The following DTX3L variants were observed in gnomAD, a reference collection of about 807,000 sequenced individuals.
The protein encoded by DTX3L is E3 ubiquitin-protein ligase DTX3L.
Under a neutral mutation model 60.9 loss-of-function variants are expected in DTX3L, and 34 were observed. That is an observed-to-expected ratio of 0.56 (90% CI 0.42 to 0.74). The LOEUF is 0.74. Ranked by LOEUF, DTX3L falls within the 30% of genes least tolerant of loss-of-function variation. DTX3L has a pLI of 0.00. For synonymous variants in DTX3L, 290 were observed against 316.6 expected (o/e 0.92, Z 0.89); for missense variants, 810 against 874.0 (o/e 0.93, Z 0.92).
In DTX3L at chr3:122,565,917, G is replaced by A; in HGVS notation, c.246G>A (p.Val82=). ...AAATACTTGTTGACGAAAAACCTGT[G>A]CCCATTTTCCTGGTACCCACTGAAA... ...EHQILVDEKP[V]PIFLVPTENS... is the part of the protein sequence containing the mutation. The change falls in exon 2 of 5, where the codon GTG becomes GTA. Residue 82 remains valine, a synonymous_variant. Coordinates refer to ENST00000296161, the MANE Select transcript of DTX3L (RefSeq NM_138287.3). 2.5e-6 allele frequency: 4 copies of A among 1,614,154 alleles called. No homozygotes were observed. The highest frequency in any genetic ancestry group is 1.7e-5 in the Admixed American group (1 of 60,022).
Position 122,570,540 on chromosome 3 carries a change from T to C in DTX3L, c.2021T>C (p.Leu674Ser). The change falls in exon 4 of 5, where the codon TTG (leucine) becomes TCG (serine). Residue 674 changes from leucine to serine, a missense_variant. By Grantham distance (145) the Leu-to-Ser change is moderately radical. Transcript: ENST00000296161. ...GATAATAAGGAAGGAAGGAAGGTTTTGAAACTGCTTTATAGGGCCTTTGAC... is the reference window on the plus strand; with the variant it reads ...GATAATAAGGAAGGAAGGAAGGTTTCGAAACTGCTTTATAGGGCCTTTGAC... The part of the protein sequence containing the change: ...LPDNKEGRKV[L>S]KLLYRAFDQK... 1 of 1,614,206 alleles carries C rather than the reference T, an allele frequency of 6.2e-7. No homozygotes were observed. The highest frequency in any genetic ancestry group is 8.5e-7 in the Non-Finnish European group (1 of 1,180,036).
At chr3:122,568,270 T>C (rs767617916) in intron 2 of DTX3L, among the ~76,000 whole-genome samples, 8 of 151,804 alleles carry the variant, frequency 5.3e-5, no homozygotes, top group Non-Finnish European at 8.8e-5. Flanking sequence ...GATCGCGCCA[T>C]TGCACTCCAG....
intron 2 of DTX3L, among the ~76,000 whole-genome samples, chr3:122,567,337 T>C (rs1438622922): frequency 9.2e-5 from 14 of 151,858 alleles, no homozygotes; most frequent in Admixed American, 8.5e-4. Flanking sequence ...GAATGGAGAG[T>C]TAGAGCCTGG....
At position 122,569,429 on chromosome 3, in the gene DTX3L, A is replaced by G. The variant is rs1176279264; in HGVS notation, c.1340A>G (p.Gln447Arg). 6.2e-7 allele frequency: 1 copy of G among 1,614,080 alleles called. No homozygotes were observed. The highest frequency in any genetic ancestry group is 8.5e-7 in the Non-Finnish European group (1 of 1,180,038). ...GATGCCTTTCAACATGCCTCATGTC[A>G]GTTGATGAGAGAAGTTCTTTTACTG... is the stretch of plus-strand genomic sequence containing the variant. ...FIDAFQHASC[Q>R]LMREVLLLKS... The change falls in exon 3 of 5, where the codon CAG becomes CGG. Residue 447 changes from glutamine to arginine, a missense_variant. Transcript: ENST00000296161.
In DTX3L at chr3:122,564,416, C is replaced by G. The variant is rs372600946; in HGVS notation, c.-11C>G. The G allele has an allele frequency of 1.9e-6, 3 of 1,602,818 alleles. No individual in the cohort carries two copies. The highest frequency in any genetic ancestry group is 1.3e-5 in the African/African-American group (1 of 74,234). On this transcript the variant is annotated 5_prime_UTR_variant, in exon 1 of 5. Transcript: ENST00000296161. ...TCCCGGAGCCCCCGCGCCCTCCCGA[C>G]GCGCAGAGCCATGGCCTCCCACCTG...
Position 122,569,705 on chromosome 3 carries a change from C to T in DTX3L, c.1616C>T (p.Ser539Phe). 1 of 1,614,180 alleles carries T rather than the reference C, an allele frequency of 6.2e-7. No individual in the cohort carries two copies. Among genetic ancestry groups the T allele is most frequent in the Middle Eastern group, 1.6e-4 (1 of 6,062 alleles). ...DIDSDDSKAA[S>F]PPLKGSVSSE... Reference sequence around the variant, plus strand: ...GATAGCGATGATTCCAAAGCAGCTTCTCCGCCACTCAAGGGCTCTGTGAGT... The same window carrying T: ...GATAGCGATGATTCCAAAGCAGCTTTTCCGCCACTCAAGGGCTCTGTGAGT... Residue 539 changes from serine (S) to phenylalanine (F), a missense_variant, in exon 3 of 5, where the codon TCT (serine) becomes TTT (phenylalanine). Transcript: ENST00000296161.
At position 122,568,658 on chromosome 3, in the gene DTX3L, A is replaced by G; in HGVS notation, c.569A>G (p.Glu190Gly). The G allele has an allele frequency of 6.2e-7, 1 of 1,614,222 alleles. No homozygotes were observed. Among genetic ancestry groups the G allele is most frequent in the Non-Finnish European group, 8.5e-7 (1 of 1,180,042 alleles). The change falls in exon 3 of 5, where the codon GAG (glutamate) becomes GGG (glycine). Residue 190 changes from glutamate (E) to glycine (G), a missense_variant. Transcript: ENST00000296161. ...GAAAGAATACATCAATTTTTGAGTG[A>G]GCAGTTCCTGGAAAGTGAGCAGAAA... ...DIERIHQFLSEQFLESEQKQQ... is the reference protein window; with the variant it reads ...DIERIHQFLSGQFLESEQKQQ...
chr3:122,567,886 T>C (rs1262372931), intron 2 of DTX3L, among the ~76,000 whole-genome samples: 1 of 152,162 alleles, frequency 6.6e-6, no homozygotes, highest in Non-Finnish European at 1.5e-5. Flanking sequence ...CCACTGCAGA[T>C]TAGTTAACAT....
Position 122,570,664 on chromosome 3 carries a change from A to G in DTX3L, c.2145A>G (p.Gly715=), listed in dbSNP as rs565738494. 4.5e-5 allele frequency: 73 copies of G among 1,614,162 alleles called. No individual in the cohort carries two copies. In the South Asian group the frequency reaches 7.6e-4, roughly 17 times the overall value. ...ACCACAAAACATCCCGGTTTGGAGG[A>G]CCAGAAATGTGAGATCCTTTTGGGA... ...DIHHKTSRFG[G]PEMYGYPDPS... The change falls in exon 4 of 5, where the codon GGA becomes GGG. Residue 715 remains glycine (G), a synonymous_variant. Coordinates refer to ENST00000296161, the MANE Select transcript of DTX3L (RefSeq NM_138287.3).
Position 122,574,436 on chromosome 3 carries a change from AT to A in DTX3L, c.*2690del, listed in dbSNP as rs1234050580. 3 of 152,248 alleles carry A rather than the reference AT, an allele frequency of 2.0e-5. No individual in the cohort carries two copies. The highest frequency in any genetic ancestry group is 2.9e-5 in the Non-Finnish European group (2 of 68,038). The allele number at this position is 152,248 out of a possible 1,614,324, so 9.4% of individuals were successfully genotyped here. ...CATGTCCCAGCCTCTCTCCAAAAAA[AT>A]AGTAAACAAGATGTCTTCTTCTTTT... On this transcript the variant is annotated 3_prime_UTR_variant, in exon 5 of 5. Transcript: ENST00000296161.
At position 122,565,897 on chromosome 3, in the gene DTX3L, C is replaced by T; in HGVS notation, c.226C>T (p.Leu76Phe). The T allele has an allele frequency of 6.2e-7, 1 of 1,614,116 alleles. No individual in the cohort carries two copies. The highest frequency in any genetic ancestry group is 8.5e-7 in the Non-Finnish European group (1 of 1,180,012). ...RVLKKGEHQI[L>F]VDEKPVPIFL... Reference sequence around the variant, plus strand: ...GTTGAAAAAAGGAGAGCACCAAATACTTGTTGACGAAAAACCTGTGCCCAT... The same window carrying T: ...GTTGAAAAAAGGAGAGCACCAAATATTTGTTGACGAAAAACCTGTGCCCAT... The change falls in exon 2 of 5, where the codon CTT becomes TTT. Residue 76 changes from leucine to phenylalanine, a missense_variant. Physicochemically the swap from Leu to Phe is conservative, Grantham distance 22. Coordinates refer to ENST00000296161, the MANE Select transcript of DTX3L (RefSeq NM_138287.3).
chr3:122,566,147 A>C, intron 2 of DTX3L, 77 bp downstream of exon 2: 1 of 1,351,008 alleles, frequency 7.4e-7, no homozygotes, highest in Non-Finnish European at 1.0e-6. Flanking sequence ...TTGATCCAAC[A>C]CCCATGTGCT....
At position 122,569,006 on chromosome 3, in the gene DTX3L, A is replaced by C; in HGVS notation, c.917A>C (p.Lys306Thr). 6.2e-7 allele frequency: 1 copy of C among 1,614,212 alleles called. No individual in the cohort carries two copies. The highest frequency in any genetic ancestry group is 8.5e-7 in the Non-Finnish European group (1 of 1,180,036). Residue 306 changes from lysine to threonine, a missense_variant, in exon 3 of 5, where the codon AAG becomes ACG. Transcript: ENST00000296161. Reference protein sequence around the residue: ...SEFQKNTEPLKQECVSLADSK... With the variant: ...SEFQKNTEPLTQECVSLADSK... ...TTTCAGAAGAACACAGAACCTCTGA[A>C]GCAAGAATGTGTCTCTTTAGCAGAC...
Position 122,569,556 on chromosome 3 carries a change from A to G in DTX3L, c.1467A>G (p.Ser489=), listed in dbSNP as rs764389683. ...PNVHFVLNQE[S]MTLTGLPNHL... Reference sequence around the variant, plus strand: ...TACACTTTGTGCTAAATCAAGAGTCAATGACTTTGACTGGTTTGCCAAATC... The same window carrying G: ...TACACTTTGTGCTAAATCAAGAGTCGATGACTTTGACTGGTTTGCCAAATC... Residue 489 remains serine (S), a synonymous_variant, in exon 3 of 5, where the codon TCA becomes TCG. Coordinates refer to ENST00000296161, the MANE Select transcript of DTX3L (RefSeq NM_138287.3). 6.2e-7 allele frequency: 1 copy of G among 1,614,250 alleles called. No individual in the cohort carries two copies. The highest frequency in any genetic ancestry group is 8.5e-7 in the Non-Finnish European group (1 of 1,180,050).
rs761239981 is a variant in DTX3L, at chr3:122,564,530, C to T, written c.104C>T (p.Ser35Phe). Residue 35 changes from serine to phenylalanine, a missense_variant, in exon 1 of 5, where the codon TCC becomes TTC. Ser to Phe is a radical substitution (Grantham distance 155, BLOSUM62 -2). Transcript: ENST00000296161. ...KLESYFQSSK[S>F]SGGGECTVST... ...GAGAGCTACTTCCAGAGCTCTAAGT[C>T]CTCGGGCGGCGGGGAGTGCACGGTC... 1.9e-6 allele frequency: 3 copies of T among 1,611,200 alleles called. No individual in the cohort carries two copies. The highest frequency in any genetic ancestry group is 2.5e-6 in the Non-Finnish European group (3 of 1,178,434).
At position 122,564,475 on chromosome 3, in the gene DTX3L, A is replaced by G; in HGVS notation, c.49A>G (p.Lys17Glu). Reference protein sequence around the residue: ...PPSPLLVRVYKSGPRVRRKLE... With the variant: ...PPSPLLVRVYESGPRVRRKLE... Reference sequence around the variant, plus strand: ...GTCCCCGCTCCTCGTGCGGGTGTACAAGTCCGGCCCCCGAGTACGAAGGAA... The same window carrying G: ...GTCCCCGCTCCTCGTGCGGGTGTACGAGTCCGGCCCCCGAGTACGAAGGAA... The change falls in exon 1 of 5, where the codon AAG becomes GAG. Residue 17 changes from lysine (K) to glutamate (E), a missense_variant. Transcript: ENST00000296161. 6.2e-7 allele frequency: 1 copy of G among 1,612,778 alleles called. No homozygotes were observed. The highest frequency in any genetic ancestry group is 8.5e-7 in the Non-Finnish European group (1 of 1,179,418).
chr3:122,565,810 C>A, intron 1 of DTX3L, 49 bp from the exon 2 acceptor site: 1 of 1,566,998 alleles, frequency 6.4e-7, no homozygotes, highest in Non-Finnish European at 8.8e-7. Context: ...CTTGAAATCT[C>A]TCCCATTTTT....
Position 122,569,459 on chromosome 3 carries a change from C to G in DTX3L, c.1370C>G (p.Ser457Cys). The G allele has an allele frequency of 6.2e-7, 1 of 1,614,186 alleles. No individual in the cohort carries two copies. The highest frequency in any genetic ancestry group is 8.5e-7 in the Non-Finnish European group (1 of 1,180,036). Residue 457 changes from serine to cysteine, a missense_variant, in exon 3 of 5, where the codon TCT (serine) becomes TGT (cysteine). Physicochemically the swap from Ser to Cys is moderately radical, Grantham distance 112. Transcript: ENST00000296161. ...QLMREVLLLK[S>C]LGKERKHLHQ... is the part of the protein sequence containing the mutation. Reference sequence around the variant, plus strand: ...ATGAGAGAAGTTCTTTTACTGAAGTCTTTGGGCAAGGAGAGAAAGCACTTA... The same window carrying G: ...ATGAGAGAAGTTCTTTTACTGAAGTGTTTGGGCAAGGAGAGAAAGCACTTA...
chr3:122,566,041 C>G lies in DTX3L; in HGVS notation c.370C>G (p.Pro124Ala). 6.2e-7 allele frequency: 1 copy of G among 1,614,164 alleles called. No individual in the cohort carries two copies. Among genetic ancestry groups the G allele is most frequent in the Non-Finnish European group, 8.5e-7 (1 of 1,180,034 alleles). The part of the protein sequence containing the change: ...GDMHQHEGHI[P>A]NAVDSCLQKI... ...TATGCATCAACATGAAGGACATATT[C>G]CTAATGCTGTGGATTCCTGTCTCCA... Residue 124 changes from proline to alanine, a missense_variant, in exon 2 of 5, where the codon CCT becomes GCT. Physicochemically the swap from Pro to Ala is conservative, Grantham distance 27 (BLOSUM62 -1). Coordinates refer to ENST00000296161, the MANE Select transcript of DTX3L (RefSeq NM_138287.3).
Sources: allele counts gnomAD v4.1 joint callset (sites outside exome capture counted in the v4.1 genomes callset), GRCh38; gene constraint gnomAD v4.1.1; transcripts MANE v1.5; gene names NCBI Gene and HGNC (gene_info 2026-07-23, HGNC 2026-07-21).